RIN3: variants seen among roughly 807,000 people sequenced by gnomAD.
The protein encoded by RIN3 is RAB5 interacting protein 3.
A neutral mutation model predicts 76.3 loss-of-function variants in RIN3; 54 were observed. That is an observed-to-expected ratio of 0.71 (90% CI 0.57 to 0.89). The LOEUF (loss-of-function observed/expected upper bound fraction) is 0.89. RIN3 is among the 40% of genes least tolerant of loss of function. The pLI is 0.00. For missense variants in RIN3, 1,256 were observed against 1,322.1 expected, an observed-to-expected ratio of 0.95 and a Z score of 0.78; for synonymous variants, 576 against 564.0, an observed-to-expected ratio of 1.02 and a Z score of -0.30.
chr14:92,680,880 G>C (rs1033328734), intron 8 of RIN3, among the ~76,000 whole-genome samples: 16 of 152,228 alleles, frequency 1.1e-4, no homozygotes, highest in East Asian at 5.8e-4. Flanking sequence ...GGAGACATCA[G>C]GGACTTGTGC....
intron 3 of RIN3, among the ~76,000 whole-genome samples, chr14:92,591,326 G>A (rs4904952): frequency 1 from 151,764 of 152,346 alleles, 75,595 homozygotes; most frequent in Middle Eastern, 1. Context: ...AACACAGAAC[G>A]GAGTATCTAA....
intron 4 of RIN3, among the ~76,000 whole-genome samples, chr14:92,625,890 G>A (rs1254603780): frequency 6.6e-6 from 1 of 152,080 alleles, no homozygotes; most frequent in Non-Finnish European, 1.5e-5. Context: ...CTTCTCCTAG[G>A]GGTTCCTCTC....
chr14:92,648,472 C>T lies in RIN3; in HGVS notation c.533-3110C>T, dbSNP rs1385979178. On this transcript the variant is annotated intron_variant, in intron 5 of 9. Coordinates refer to ENST00000216487, the MANE Select transcript of RIN3 (RefSeq NM_024832.5). The surrounding 1 kb of genome is among the most constrained non-coding windows in gnomAD (Gnocchi z 4.1). ...CGGGGCTCCTGTGCCCTCCTTCCTG[C>T]CTCCTCTCACTGTCTTGTATTTACA... Among the ~76,000 whole-genome samples, 2 of 152,242 alleles carry T rather than the reference C, an allele frequency of 1.3e-5. No individual in the cohort carries two copies. The highest frequency in any genetic ancestry group is 6.5e-5 in the Admixed American group (1 of 15,290).
chr14:92,599,019 A>C (rs1309739504), intron 3 of RIN3, among the ~76,000 whole-genome samples: 1 of 152,164 alleles, frequency 6.6e-6, no homozygotes, highest in Non-Finnish European at 1.5e-5. Context: ...GCAAGTGCAC[A>C]GAATGGCAGA....
At chr14:92,601,265 A>G (rs1039930903) in intron 3 of RIN3, among the ~76,000 whole-genome samples, 1 of 152,164 alleles carries the variant, frequency 6.6e-6, no homozygotes, top group Non-Finnish European at 1.5e-5. Context: ...CATGGCTCAC[A>G]TTCTCTTTCT....
rs775872860 is a variant in RIN3, at chr14:92,688,123, C to T, written c.2829C>T (p.Ile943=). Residue 943 remains isoleucine (I), a synonymous_variant, in exon 10 of 10, where the codon ATC becomes ATT. Coordinates refer to ENST00000216487, the MANE Select transcript of RIN3 (RefSeq NM_024832.5). ...CGGACGACGCGCTGCCGCACTGCAT[C>T]AAGGGCTACCTGCTGCGCAGCGAGC... is the stretch of plus-strand genomic sequence containing the variant. The part of the protein sequence containing the change: ...QLADDALPHC[I]KGYLLRSEPK... 6 of 1,609,664 alleles carry T rather than the reference C, an allele frequency of 3.7e-6. No homozygotes were observed. In the African/African-American group the frequency reaches 5.3e-5, roughly 14 times the overall value.
At chr14:92,524,831 G>C (rs911793467) in intron 1 of RIN3, among the ~76,000 whole-genome samples, 1 of 152,234 alleles carries the variant, frequency 6.6e-6, no homozygotes. Context: ...TCCAAGGCTT[G>C]TGCAGCACCC....
At chr14:92,574,004 A>G (rs560472044) in intron 2 of RIN3, among the ~76,000 whole-genome samples, 1 of 152,334 alleles carries the variant, frequency 6.6e-6, no homozygotes, top group African/African-American at 2.4e-5. Context: ...GCCAATGTCA[A>G]GCAGGAACAC....
chr14:92,652,145 A>AGTCCCTTGCAGCAG lies in RIN3; in HGVS notation c.1102_1115dup (p.Ala373CysfsTer30). The AGTCCCTTGCAGCAG allele has an allele frequency of 6.2e-7, 1 of 1,604,856 alleles. No homozygotes were observed. The highest frequency in any genetic ancestry group is 8.5e-7 in the Non-Finnish European group (1 of 1,176,250). On this transcript the variant is annotated frameshift_variant, in exon 6 of 10. Transcript: ENST00000216487. LOFTEE classifies it high-confidence loss of function. This position sits in a 1 kb window ranked among gnomAD's most constrained non-coding sequence, Gnocchi z 6.4. ...AGCGATGAAGCCAGGGGCAGCCTCC[A>AGTCCCTTGCAGCAG]GTCCCTTGCAGCAGGTCCCCGCCCC...
chr14:92,600,578 T>G (rs1414206757), intron 3 of RIN3, among the ~76,000 whole-genome samples: 1 of 152,238 alleles, frequency 6.6e-6, no homozygotes, highest in African/African-American at 2.4e-5. Context: ...TGGAGCGTGA[T>G]TCCTCTGAGA....
chr14:92,668,399 G>T (rs1334885912), intron 7 of RIN3, among the ~76,000 whole-genome samples: 1 of 152,220 alleles, frequency 6.6e-6, no homozygotes, highest in African/African-American at 2.4e-5. Context: ...CATGGCTTCA[G>T]ACCTCAGAGC....
At chr14:92,572,861 G>A (rs181010745) in intron 2 of RIN3, among the ~76,000 whole-genome samples, 1 of 147,722 alleles carries the variant, frequency 6.8e-6, no homozygotes, top group Non-Finnish European at 1.5e-5. Flanking sequence ...CTGTAGAAGG[G>A]TGACTCTTTT....
chr14:92,545,843 A>G (rs1477969465), intron 1 of RIN3, among the ~76,000 whole-genome samples: 1 of 152,152 alleles, frequency 6.6e-6, no homozygotes, highest in Non-Finnish European at 1.5e-5. Flanking sequence ...AAGGATCAAA[A>G]TCAGGAAATT....
chr14:92,595,628 G>A (rs1044422952), intron 3 of RIN3, among the ~76,000 whole-genome samples: 1 of 152,200 alleles, frequency 6.6e-6, no homozygotes, highest in Admixed American at 6.5e-5. Flanking sequence ...CCATGGGAGT[G>A]TGTCAGTAAC....
At chr14:92,667,342 C>G (rs1468359133) in intron 7 of RIN3, among the ~76,000 whole-genome samples, 1 of 152,130 alleles carries the variant, frequency 6.6e-6, no homozygotes, top group Non-Finnish European at 1.5e-5. Context: ...CATGGTGAAA[C>G]TCCGTCTCTA....
chr14:92,630,982 C>G (rs1324563038), intron 4 of RIN3, among the ~76,000 whole-genome samples: 1 of 152,230 alleles, frequency 6.6e-6, no homozygotes, highest in Non-Finnish European at 1.5e-5. Flanking sequence ...AGATCCTGCC[C>G]TACAGACTCC....
intron 1 of RIN3, among the ~76,000 whole-genome samples, chr14:92,544,739 G>C (rs1014098548): frequency 3.9e-5 from 6 of 152,042 alleles, no homozygotes; most frequent in African/African-American, 1.2e-4. Context: ...ATCAAGTTTA[G>C]AGAAGTCTAG....
At chr14:92,615,003 C>G (rs569685002) in intron 3 of RIN3, among the ~76,000 whole-genome samples, 2 of 151,686 alleles carry the variant, frequency 1.3e-5, no homozygotes, top group Non-Finnish European at 2.9e-5. Context: ...GCCACCACAC[C>G]GGCTAATTTT....
At chr14:92,516,008 TCTG>T (rs2139986076) in intron 1 of RIN3, among the ~76,000 whole-genome samples, 1 of 152,030 alleles carries the variant, frequency 6.6e-6, no homozygotes, top group Admixed American at 6.5e-5. Flanking sequence ...CTGTGCGGAG[TCTG>T]CTGAGAGTGG....
Sources: gnomAD v4.1 joint callset for allele counts (sites outside exome capture counted in the v4.1 genomes callset) on GRCh38, gnomAD v4.1.1 for gene constraint, Gnocchi (gnomAD v3.1) non-coding constraint, MANE v1.5 for transcripts, NCBI Gene and HGNC (gene_info 2026-07-23, HGNC 2026-07-21) for gene names.